Variants in PGLYRP3 observed in about 807,000 individuals in gnomAD.
The protein encoded by PGLYRP3 is peptidoglycan recognition protein 3.
In PGLYRP3, 39 loss-of-function variants were observed where a neutral mutation model predicts 36.0. That is an observed-to-expected ratio of 1.08 (90% confidence interval 0.84 to 1.41). The LOEUF (loss-of-function observed/expected upper bound fraction) is 1.41. PGLYRP3 is among the 40% of genes most tolerant of loss of function. The pLI, the probability that PGLYRP3 is intolerant of heterozygous loss-of-function variation, is 0.00. For missense variants in PGLYRP3, 407 were observed against 427.9 expected, an observed-to-expected ratio of 0.95 and a Z score of 0.43; for synonymous variants, 204 against 172.8, an observed-to-expected ratio of 1.18 and a Z score of -1.42.
In PGLYRP3 at chr1:153,306,977, C is replaced by A. The variant is rs376779640; in HGVS notation, c.257+89G>T. ...CATTACAAAAGCAATGTAAATGAAGCGCAGAAAATAAGAGCCACAGAGAAG... is the reference window on the plus strand; with the variant it reads ...CATTACAAAAGCAATGTAAATGAAGAGCAGAAAATAAGAGCCACAGAGAAG... On this transcript the variant is annotated intron_variant, in intron 3 of 7. Transcript: ENST00000683862. 4.3e-6 allele frequency: 5 copies of A among 1,163,266 alleles called. No individual in the cohort carries two copies. The East Asian group carries it at 1.3e-4, about 30-fold the overall frequency. 72.1% of individuals were successfully genotyped at this position (1,163,266 alleles called of 1,614,324 possible). A position where few individuals can be genotyped will look rare whatever the true frequency, so the allele number is the denominator to read the frequency against.
rs148303523 is a variant in PGLYRP3, at chr1:153,298,235, G to A, written c.848-101C>T. 184 of 1,264,550 alleles carry A rather than the reference G, an allele frequency of 1.5e-4. 2 individuals carry two copies. The East Asian group carries it at 1.5e-3, about 10-fold the overall frequency. 78.3% of individuals were successfully genotyped at this position (1,264,550 alleles called of 1,614,324 possible). The stretch of plus-strand genomic sequence containing the variant: ...TCCAGTTTCTTTCTTCCTCCACCAC[G>A]CCCCATTCCGCCATCACCATAGCCA... On this transcript the variant is annotated intron_variant, in intron 7 of 7. Transcript: ENST00000683862.
intron 2 of PGLYRP3, 109 bp downstream of exon 2, chr1:153,310,502 C>CT: frequency 8.8e-7 from 1 of 1,139,012 alleles, no homozygotes; most frequent in African/African-American, 1.5e-5. Flanking sequence ...CAAAGCTACA[C>CT]TATCCACTAA....
At chr1:153,310,805 T>G (rs1659876987) in intron 1 of PGLYRP3, 99 bp from the exon 2 acceptor site, 5 of 769,058 alleles carry the variant, frequency 6.5e-6, no homozygotes, top group East Asian at 5.3e-5. Context: ...TACCATCCTG[T>G]GGCTTCCTGA....
chr1:153,303,786 C>T (rs1201440211), intron 5 of PGLYRP3, 71 bp downstream of exon 5: 2 of 1,513,876 alleles, frequency 1.3e-6, no homozygotes, highest in African/African-American at 1.4e-5. Context: ...GGAAAAAGCA[C>T]TCCCAAACAT....
In PGLYRP3 at chr1:153,303,954, G is replaced by A; in HGVS notation, c.432C>T (p.Ala144=). ...TGGGCGACAGGTGACCCTTCTGGATGGCATAGGAGATCAGACCCTCTGCAG... is the reference window on the plus strand; with the variant it reads ...TGGGCGACAGGTGACCCTTCTGGATAGCATAGGAGATCAGACCCTCTGCAG... The part of the protein sequence containing the change: ...LSAAEGLISY[A]IQKGHLSPRY... The change falls in exon 5 of 8, where the codon GCC becomes GCT. Residue 144 remains alanine (A), a synonymous_variant. Transcript: ENST00000683862. 6.2e-7 allele frequency: 1 copy of A among 1,614,038 alleles called. No homozygotes were observed. The highest frequency in any genetic ancestry group is 8.5e-7 in the Non-Finnish European group (1 of 1,179,964).
intron 6 of PGLYRP3, among the ~76,000 whole-genome samples, chr1:153,301,878 G>A (rs1306929764): frequency 6.6e-6 from 1 of 152,176 alleles, no homozygotes; most frequent in Non-Finnish European, 1.5e-5. Flanking sequence ...AAAAGAAAAT[G>A]TTTTGATCTT....
Position 153,307,209 on chromosome 1 carries a change from G to A in PGLYRP3, c.114C>T (p.Ala38=), listed in dbSNP as rs149328381. The change falls in exon 3 of 8, where the codon GCC becomes GCT. Residue 38 remains alanine (A), a synonymous_variant. Coordinates refer to ENST00000683862, the MANE Select transcript of PGLYRP3 (RefSeq NM_052891.3). ...TGTAGGCCACAGGCAGGGTCAGCAGGGCCCTGCAGGCGAGCGGTCTTGCCC... is the reference window on the plus strand; with the variant it reads ...TGTAGGCCACAGGCAGGGTCAGCAGAGCCCTGCAGGCGAGCGGTCTTGCCC... The part of the protein sequence containing the change: ...EWGARPLACR[A]LLTLPVAYII... 5 of 1,611,560 alleles carry A rather than the reference G, an allele frequency of 3.1e-6. No individual in the cohort carries two copies. Among genetic ancestry groups the A allele is most frequent in the Admixed American group, 3.4e-5 (2 of 59,686 alleles).
chr1:153,304,448 C>T (rs890637665), intron 4 of PGLYRP3, among the ~76,000 whole-genome samples: 2 of 152,216 alleles, frequency 1.3e-5, no homozygotes, highest in African/African-American at 4.8e-5. Flanking sequence ...CTAGCCCCAG[C>T]TGTCAAATGA....
chr1:153,311,724 C>T (rs821419), intron 1 of PGLYRP3, among the ~76,000 whole-genome samples: 60,755 of 151,974 alleles, frequency 0.4, 12,399 homozygotes, highest in East Asian at 0.55. Flanking sequence ...AGTTTGAAAC[C>T]AAATGGGATA....
intron 7 of PGLYRP3, 55 bp downstream of exon 7, chr1:153,299,058 A>G (rs904799684): frequency 2.7e-5 from 38 of 1,429,168 alleles, no homozygotes; most frequent in Admixed American, 3.4e-5. Context: ...CTTCCCAGAC[A>G]TGCTGCATGG....
rs12030916 is a variant in PGLYRP3, at chr1:153,297,139, A to G, written c.*817T>C. Among the ~76,000 whole-genome samples the G allele has an allele frequency of 1.3e-5, 2 of 152,198 alleles. No homozygotes were observed. Among genetic ancestry groups the G allele is most frequent in the East Asian group, 1.9e-4 (1 of 5,164 alleles). ...GGTCCACTCATTCATTTATTCATCC[A>G]TTTCTTTAACAAACATCTGTAGAAC... On this transcript the variant is annotated 3_prime_UTR_variant, in exon 8 of 8. Transcript: ENST00000683862.
chr1:153,304,937 T>C lies in PGLYRP3; in HGVS notation c.376+10A>G. The C allele has an allele frequency of 6.2e-7, 1 of 1,601,980 alleles. No individual in the cohort carries two copies. Among genetic ancestry groups the C allele is most frequent in the South Asian group, 1.1e-5 (1 of 90,290 alleles). On this transcript the variant is annotated intron_variant, in intron 4 of 7. Transcript: ENST00000683862. ...TCTCCAGCACAGGGTCCGCAGGGAG[T>C]GACCCTTACCTATCTTATTGCCAAA...
rs1659873996 is a variant in PGLYRP3, at chr1:153,310,694, G to A, written c.-29C>T. On this transcript the variant is annotated 5_prime_UTR_variant, in exon 2 of 8. Coordinates refer to ENST00000683862, the MANE Select transcript of PGLYRP3 (RefSeq NM_052891.3). ...GTCCCAGGACTCTGACCGGGAGAGT[G>A]TGGACGGCAGCCCTGGAAGAGAGGC... The A allele has an allele frequency of 1.2e-6, 2 of 1,607,340 alleles. No homozygotes were observed. The highest frequency in any genetic ancestry group is 1.7e-6 in the Non-Finnish European group (2 of 1,174,412).
chr1:153,302,609 T>C lies in PGLYRP3; in HGVS notation c.530-2A>G. Reference sequence around the variant, plus strand: ...ATCGTTTGATGATGTTGGGGCAAACTGTGGTAAAATGAAAAGCCAAGGAAG... The same window carrying C: ...ATCGTTTGATGATGTTGGGGCAAACCGTGGTAAAATGAAAAGCCAAGGAAG... On this transcript the variant is annotated splice_acceptor_variant, in intron 5 of 7. Coordinates refer to ENST00000683862, the MANE Select transcript of PGLYRP3 (RefSeq NM_052891.3). LOFTEE classifies it high-confidence loss of function. The C allele has an allele frequency of 6.2e-7, 1 of 1,613,938 alleles. No individual in the cohort carries two copies. Among genetic ancestry groups the C allele is most frequent in the South Asian group, 1.1e-5 (1 of 91,060 alleles).
intron 2 of PGLYRP3, 121 bp from the exon 3 acceptor site, chr1:153,307,388 TG>T (rs1265768482): frequency 2.2e-6 from 2 of 929,560 alleles, no homozygotes; most frequent in African/African-American, 1.6e-5. Flanking sequence ...GGAGACACCC[TG>T]GGGGAGCCCT....
Position 153,299,153 on chromosome 1 carries a change from G to A in PGLYRP3, c.807C>T (p.Asn269=), listed in dbSNP as rs751375130. The change falls in exon 7 of 8, where the codon AAC becomes AAT. Residue 269 remains asparagine (N), a synonymous_variant. Coordinates refer to ENST00000683862, the MANE Select transcript of PGLYRP3 (RefSeq NM_052891.3). ...TGAAGGCAATTCCTAGGGCAATATCGTTGAATCCATAAGTGTGAGAGCCTT... is the reference window on the plus strand; with the variant it reads ...TGAAGGCAATTCCTAGGGCAATATCATTGAATCCATAAGTGTGAGAGCCTT... The part of the protein sequence containing the change: ...HIQGSHTYGF[N]DIALGIAFIG... 18 of 1,613,902 alleles carry A rather than the reference G, an allele frequency of 1.1e-5. No homozygotes were observed. Among genetic ancestry groups the A allele is most frequent in the African/African-American group, 2.7e-5 (2 of 74,840 alleles).
chr1:153,307,775 G>C (rs533489373), intron 2 of PGLYRP3, among the ~76,000 whole-genome samples: 52 of 152,114 alleles, frequency 3.4e-4, no homozygotes, highest in Non-Finnish European at 6.2e-4. Context: ...CCCACAGGAG[G>C]CTCCATAAAC....
chr1:153,302,357 T>C (rs1659617278), intron 6 of PGLYRP3, 52 bp downstream of exon 6: 1 of 1,588,048 alleles, frequency 6.3e-7, no homozygotes, highest in Non-Finnish European at 8.6e-7. Context: ...ACAGCCTTCC[T>C]TCCTACAATC....
chr1:153,298,243 C>A, intron 7 of PGLYRP3, 109 bp from the exon 8 acceptor site: 4 of 1,193,390 alleles, frequency 3.4e-6, no homozygotes, highest in Non-Finnish European at 4.8e-6. Context: ...ACGCCCCATT[C>A]CGCCATCACC....
Sources: allele counts gnomAD v4.1 joint callset (sites outside exome capture counted in the v4.1 genomes callset), GRCh38; gene constraint gnomAD v4.1.1; transcripts MANE v1.5; gene names NCBI Gene and HGNC (gene_info 2026-07-23, HGNC 2026-07-21).